The following WDPCP variants were observed in gnomAD, a reference collection of about 807,000 sequenced individuals.
WDPCP encodes the protein WD repeat containing planar cell polarity effector.
A neutral mutation model predicts 93.1 loss-of-function variants in WDPCP; 71 were observed. The observed-to-expected ratio is 0.76, with a 90% confidence interval of 0.63 to 0.93. WDPCP has a LOEUF of 0.93. Ranked by LOEUF, WDPCP falls within the 40% of genes least tolerant of loss-of-function variation. The pLI, the probability that WDPCP is intolerant of heterozygous loss-of-function variation, is 0.00. For synonymous variants in WDPCP, 315 were observed against 315.0 expected (o/e 1.00, Z 0.00); for missense variants, 844 against 887.4 (o/e 0.95, Z 0.62).
chr2:63,226,876 A>G (rs1057505754), intron 14 of WDPCP, among the ~76,000 whole-genome samples: 3 of 152,002 alleles, frequency 2.0e-5, no homozygotes, highest in Non-Finnish European at 4.4e-5. Flanking sequence ...TTAGCCAGAA[A>G]ATAAAGAAGA....
intron 2 of WDPCP, among the ~76,000 whole-genome samples, chr2:63,791,694 C>T (rs1670548466): frequency 6.6e-6 from 1 of 152,048 alleles, no homozygotes; most frequent in African/African-American, 2.4e-5. Flanking sequence ...TCTTTCTTCA[C>T]CTAGGGTATC....
chr2:63,155,757 G>A (rs1464256402), intron 15 of WDPCP, among the ~76,000 whole-genome samples: 1 of 152,144 alleles, frequency 6.6e-6, no homozygotes, highest in Non-Finnish European at 1.5e-5. Flanking sequence ...TTTAGCAAAA[G>A]TCCTAAGATC....
At chr2:63,545,308 CGTGTATGTGT>C (rs1307836374) in intron 1 of WDPCP, among the ~76,000 whole-genome samples, 2 of 147,918 alleles carry the variant, frequency 1.4e-5, no homozygotes, top group Admixed American at 6.8e-5. Flanking sequence ...TGTGTGTGCA[CGTGTATGTGT>C]GTGTATGTGT....
intron 13 of WDPCP, among the ~76,000 whole-genome samples, chr2:63,303,012 G>A (rs1005909683): frequency 1.3e-5 from 2 of 152,200 alleles, no homozygotes; most frequent in Non-Finnish European, 2.9e-5. Context: ...AGTTTTCTGA[G>A]TGGGGTCAGG....
upstream of WDPCP, among the ~76,000 whole-genome samples, chr2:63,831,953 G>A (rs1671209099): frequency 1.3e-5 from 2 of 152,242 alleles, no homozygotes; most frequent in Admixed American, 1.3e-4. Flanking sequence ...ATGAAGAGCA[G>A]TTCTGGGACT....
chr2:63,712,553 C>A (rs1669278436), intron 2 of WDPCP, among the ~76,000 whole-genome samples: 1 of 152,160 alleles, frequency 6.6e-6, no homozygotes, highest in Admixed American at 6.5e-5. Flanking sequence ...ATATGAATTA[C>A]TCTATGAACT....
chr2:63,397,564 A>G (rs747596369), intron 10 of WDPCP, among the ~76,000 whole-genome samples: 1 of 152,150 alleles, frequency 6.6e-6, no homozygotes, highest in Non-Finnish European at 1.5e-5. Context: ...TGGCCCCAAC[A>G]TTTTCATGAG....
At chr2:63,262,016 A>G (rs2104790449) in intron 13 of WDPCP, among the ~76,000 whole-genome samples, 1 of 152,298 alleles carries the variant, frequency 6.6e-6, no homozygotes, top group East Asian at 1.9e-4. Context: ...ATACTTTCAT[A>G]ATAGATCCTT....
At chr2:63,291,869 C>G (rs932455943) in intron 13 of WDPCP, among the ~76,000 whole-genome samples, 64 of 149,524 alleles carry the variant, frequency 4.3e-4, no homozygotes, top group African/African-American at 1.5e-3. Context: ...CGCGGGGGCT[C>G]ACGCCTGTAA....
chr2:63,455,413 GAT>G (rs59481179), intron 6 of WDPCP, among the ~76,000 whole-genome samples: 29,857 of 140,594 alleles, frequency 0.21, 3,444 homozygotes, highest in Non-Finnish European at 0.28. Context: ...TACTTGTAAA[GAT>G]ATATATATAT....
intron 1 of WDPCP, among the ~76,000 whole-genome samples, chr2:63,816,449 T>G (rs1464157290): frequency 6.6e-6 from 1 of 151,864 alleles, no homozygotes; most frequent in Admixed American, 6.6e-5. Flanking sequence ...AATGACACTG[T>G]CCATATAAGA....
intron 14 of WDPCP, among the ~76,000 whole-genome samples, chr2:63,219,387 C>CAATAAGT (rs777094650): frequency 1.1e-3 from 169 of 152,274 alleles, no homozygotes; most frequent in Non-Finnish European, 1.9e-3. Context: ...ACAGGCATGC[C>CAATAAGT]AATAAGTAAA....
At chr2:63,644,262 T>TC (rs1710020960) in intron 3 of WDPCP, among the ~76,000 whole-genome samples, 1 of 149,796 alleles carries the variant, frequency 6.7e-6, no homozygotes, top group Non-Finnish European at 1.5e-5. Context: ...TTTTTTTTTT[T>TC]GAGACAGAGT....
chr2:63,250,167 G>C (rs1680601475), intron 14 of WDPCP, among the ~76,000 whole-genome samples: 1 of 152,070 alleles, frequency 6.6e-6, no homozygotes, highest in Admixed American at 6.6e-5. Flanking sequence ...TAAAATACAG[G>C]TTGCGTGAAT....
rs796766243 is a variant in WDPCP at position 63,529,550 on chromosome 2, T to C, written c.76-36610A>G. Among the ~76,000 whole-genome samples, 6 of 152,342 alleles carry C rather than the reference T, an allele frequency of 3.9e-5. 1 individual carries two copies. Among genetic ancestry groups the C allele is most frequent in the African/African-American group, 1.4e-4 (6 of 41,582 alleles). On this transcript the variant is annotated intron_variant, in intron 1 of 17. Transcript: ENST00000272321. ...TTGCATATGTTGAACCAGGCTTGCA[T>C]CCCAGGGATGAAACCGACTTCATCA...
chr2:63,547,656 T>C (rs1474638222), intron 1 of WDPCP, among the ~76,000 whole-genome samples: 1 of 150,420 alleles, frequency 6.6e-6, no homozygotes, highest in Non-Finnish European at 1.5e-5. Flanking sequence ...GCAACATAGA[T>C]GGAACTGGAG....
intron 14 of WDPCP, among the ~76,000 whole-genome samples, chr2:63,240,475 G>A (rs146700467): frequency 4.5e-4 from 69 of 152,142 alleles, no homozygotes; most frequent in African/African-American, 1.6e-3. Flanking sequence ...ACCATGACTG[G>A]CCCATCCTTA....
chr2:63,670,481 A>AT (rs1020272877), intron 2 of WDPCP, among the ~76,000 whole-genome samples: 25 of 152,246 alleles, frequency 1.6e-4, no homozygotes, highest in African/African-American at 6.0e-4. Flanking sequence ...TGGCTTCTAG[A>AT]TTTTTTAATT....
At chr2:63,180,886 A>C (rs1674188292) in intron 14 of WDPCP, among the ~76,000 whole-genome samples, 2 of 152,070 alleles carry the variant, frequency 1.3e-5, no homozygotes, top group African/African-American at 4.8e-5. Flanking sequence ...CTTGCGTGAA[A>C]TATGTCATTG....
Sources: allele counts gnomAD v4.1 joint callset (sites outside exome capture counted in the v4.1 genomes callset), GRCh38; gene constraint gnomAD v4.1.1; transcripts MANE v1.5; gene names NCBI Gene and HGNC (gene_info 2026-07-23, HGNC 2026-07-21).